ASTN1: variants seen among roughly 807,000 people sequenced by gnomAD.
The protein encoded by ASTN1 is astrotactin-1.
A neutral mutation model predicts 140.7 loss-of-function variants in ASTN1; 41 were observed. That is an observed-to-expected ratio of 0.29 (90% confidence interval 0.23 to 0.38). The LOEUF is 0.38. Among genes scored for constraint, ASTN1 ranks in the 10% least tolerant of loss-of-function variants. The probability of loss-of-function intolerance (pLI) is 1.00; values close to 1 mark genes in which losing one functional copy is unlikely to be tolerated. For synonymous variants in ASTN1, 640 were observed against 652.2 expected (o/e 0.98, Z 0.29); for missense variants, 1,479 against 1,678.8 (o/e 0.88, Z 2.08).
intron 8 of ASTN1, among the ~76,000 whole-genome samples, chr1:176,989,328 A>T (rs1260462406): frequency 6.6e-6 from 1 of 152,192 alleles, no homozygotes; most frequent in African/African-American, 2.4e-5. Flanking sequence ...AAGGCATTAG[A>T]TCTAATCACT....
intron 1 of ASTN1, among the ~76,000 whole-genome samples, chr1:177,097,975 C>T (rs912101011): frequency 6.6e-6 from 1 of 152,168 alleles, no homozygotes; most frequent in Non-Finnish European, 1.5e-5. Flanking sequence ...CATACCCTTC[C>T]ATATCTATCT....
chr1:177,016,989 C>T (rs1203526231), intron 7 of ASTN1, among the ~76,000 whole-genome samples: 2 of 152,166 alleles, frequency 1.3e-5, no homozygotes, highest in African/African-American at 2.4e-5. Flanking sequence ...CGGCTAGACG[C>T]CTTGCCTAGA....
chr1:176,907,285 G>T (rs544306367), intron 16 of ASTN1, among the ~76,000 whole-genome samples: 1 of 152,132 alleles, frequency 6.6e-6, no homozygotes, highest in African/African-American at 2.4e-5. Flanking sequence ...TGGTCAGAAC[G>T]CTTTTTATAA....
At chr1:176,872,194 CTT>C (rs34749674) in intron 21 of ASTN1, among the ~76,000 whole-genome samples, 102 of 145,312 alleles carry the variant, frequency 7.0e-4, no homozygotes, top group Admixed American at 1.4e-3. Context: ...AATGTCAAAC[CTT>C]TTTTTTTTTT....
Position 176,864,187 on chromosome 1 carries a change from T to C in ASTN1, c.*97A>G, listed in dbSNP as rs923128967. On this transcript the variant is annotated 3_prime_UTR_variant, in exon 23 of 23. Transcript: ENST00000361833. Reference sequence around the variant, plus strand: ...TTCGATGTTGCTGTGGAGGTTTTCATGTTCCATTAAAAAATATTAAAAATC... The same window carrying C: ...TTCGATGTTGCTGTGGAGGTTTTCACGTTCCATTAAAAAATATTAAAAATC... 6.6e-7 allele frequency: 1 copy of C among 1,514,112 alleles called. No individual in the cohort carries two copies. Among genetic ancestry groups the C allele is most frequent in the South Asian group, 1.3e-5 (1 of 75,478 alleles). 93.8% of individuals were successfully genotyped at this position (1,514,112 alleles called of 1,614,324 possible). A position where few individuals can be genotyped will look rare whatever the true frequency, so the allele number is the denominator to read the frequency against.
chr1:177,149,625 C>G lies in ASTN1; in HGVS notation c.283+14769G>C, dbSNP rs184894781. Among the ~76,000 whole-genome samples, 418 of 64,606 alleles carry G rather than the reference C, an allele frequency of 6.5e-3. 5 individuals carry two copies. Among genetic ancestry groups the G allele is most frequent in the African/African-American group, 0.013 (85 of 6,546 alleles). The allele number at this position is 64,606 out of a possible 152,430, so 42.4% of individuals were successfully genotyped here. A position where few individuals can be genotyped will look rare whatever the true frequency, so the allele number is the denominator to read the frequency against. On this transcript the variant is annotated intron_variant, in intron 1 of 22. Transcript: ENST00000361833. ...TATATATATAGTAAATATATATACA[C>G]TGTATATATATAGTAAATATATATA...
rs1361604547 is a variant in ASTN1, at chr1:176,949,207, A to G, written c.2032T>C (p.Tyr678His). Reference sequence around the variant, plus strand: ...CACCCACAGAACATGAGGATGTTATACAAGGTGGGGTCGTCCGGGAAGGGC... The same window carrying G: ...CACCCACAGAACATGAGGATGTTATGCAAGGTGGGGTCGTCCGGGAAGGGC... ...MAPFPDDPTLYNILMFCGCIE... is the reference protein window; with the variant it reads ...MAPFPDDPTLHNILMFCGCIE... The change falls in exon 12 of 23, where the codon TAT becomes CAT. Residue 678 changes from tyrosine to histidine, a missense_variant. This residue lies in a region of ASTN1 where 746 missense variants were observed against 800.9 expected (regional missense o/e 0.93). Transcript: ENST00000361833. 1 of 1,614,034 alleles carries G rather than the reference A, an allele frequency of 6.2e-7. No homozygotes were observed. The highest frequency in any genetic ancestry group is 1.7e-5 in the Admixed American group (1 of 60,028).
At chr1:177,159,555 A>G (rs114555500) in intron 1 of ASTN1, among the ~76,000 whole-genome samples, 2,011 of 152,354 alleles carry the variant, frequency 0.013, 29 homozygotes, top group Non-Finnish European at 0.022. Context: ...TATGTCCAAT[A>G]TTACCTTTGA....
At chr1:176,873,195 T>C (rs182509294) in intron 21 of ASTN1, among the ~76,000 whole-genome samples, 23 of 152,320 alleles carry the variant, frequency 1.5e-4, no homozygotes, top group African/African-American at 4.8e-4. Context: ...CATTTATGTC[T>C]GCATCAGGAA....
rs192834273 is a variant in ASTN1, at chr1:176,993,612, G to A, written c.1523+21179C>T. Among the ~76,000 whole-genome samples the A allele has an allele frequency of 1.1e-4, 16 of 152,234 alleles. No individual in the cohort carries two copies. The East Asian group carries it at 3.1e-3, about 29-fold the overall frequency. ...GCATTCATCTCGCTAATAGACACTT[G>A]AGTCACCTAATCAATGTCAGTGGAG... is the stretch of plus-strand genomic sequence containing the variant. On this transcript the variant is annotated intron_variant, in intron 8 of 22. Transcript: ENST00000361833.
At chr1:176,974,857 C>A (rs1441176161) in intron 8 of ASTN1, among the ~76,000 whole-genome samples, 1 of 152,148 alleles carries the variant, frequency 6.6e-6, no homozygotes, top group Non-Finnish European at 1.5e-5. Context: ...AGTGTTCACA[C>A]TTGAACTTTT....
At chr1:176,916,493 G>T (rs1026628551) in intron 16 of ASTN1, among the ~76,000 whole-genome samples, 2 of 152,110 alleles carry the variant, frequency 1.3e-5, no homozygotes, top group African/African-American at 4.8e-5. Flanking sequence ...ATTGAGGGGG[G>T]TCCCCGCAGA....
At chr1:177,126,177 T>C (rs1331418328) in intron 1 of ASTN1, among the ~76,000 whole-genome samples, 2 of 152,188 alleles carry the variant, frequency 1.3e-5, no homozygotes, top group African/African-American at 4.8e-5. Context: ...ATCATCATTA[T>C]CCTATCAGAT....
chr1:177,087,659 G>C (rs1375835927), intron 1 of ASTN1, among the ~76,000 whole-genome samples: 1 of 152,114 alleles, frequency 6.6e-6, no homozygotes, highest in Non-Finnish European at 1.5e-5. Flanking sequence ...CTGCTAGTCC[G>C]CAACCGTGTT....
intron 1 of ASTN1, among the ~76,000 whole-genome samples, chr1:177,110,857 G>T (rs1249005324): frequency 6.6e-6 from 1 of 152,176 alleles, no homozygotes; most frequent in African/African-American, 2.4e-5. Flanking sequence ...CCAATTTCAG[G>T]TTACCTCTAA....
chr1:176,894,585 C>G lies in ASTN1; in HGVS notation c.2917G>C (p.Val973Leu). The change falls in exon 17 of 23, where the codon GTG (valine) becomes CTG (leucine). Residue 973 changes from valine (V) to leucine (L), a missense_variant. Around this residue, in one of 3 missense-constraint regions of ASTN1, gnomAD observed 746 missense variants for 800.9 expected, o/e 0.93. Transcript: ENST00000361833. ...ACCCTCTGGGTCTGGTTGTTGGTCA[C>G]TAGTTCATAGATGGGGGCTGCTTTG... ...VTKAAPIYEL[V>L]TNNQTQRLLQ... 3 of 1,614,082 alleles carry G rather than the reference C, an allele frequency of 1.9e-6. No homozygotes were observed.
chr1:177,046,249 TA>T (rs1363511064), intron 2 of ASTN1, among the ~76,000 whole-genome samples: 1 of 152,206 alleles, frequency 6.6e-6, no homozygotes, highest in African/African-American at 2.4e-5. Flanking sequence ...CAGCAAAGTA[TA>T]ACACAATGTA....
rs144051905 is a variant in ASTN1, at chr1:176,886,512, C to A, written c.3074+1559G>T. The stretch of plus-strand genomic sequence containing the variant: ...AATAATGAGCTTGATTCTCTTTTAA[C>A]TCAAGAAGTCCAATCATGACTATGA... On this transcript the variant is annotated intron_variant, in intron 18 of 22. Transcript: ENST00000361833. 5.9e-3 allele frequency among the ~76,000 whole-genome samples: 903 copies of A among 152,318 alleles called. 9 individuals are homozygous for A. The highest frequency in any genetic ancestry group is 0.02 in the African/African-American group (834 of 41,562).
intron 16 of ASTN1, among the ~76,000 whole-genome samples, chr1:176,924,462 A>G (rs997235164): frequency 6.6e-6 from 1 of 152,084 alleles, no homozygotes. Context: ...TGGTACATCA[A>G]CTGGCTTCAG....
Sources: gnomAD v4.1 joint callset for allele counts (sites outside exome capture counted in the v4.1 genomes callset) on GRCh38, gnomAD v4.1.1 for gene constraint, gnomAD v4.1.1 regional missense constraint, MANE v1.5 for transcripts, NCBI Gene and HGNC (gene_info 2026-07-23, HGNC 2026-07-21) for gene names.